Variants in RETREG3 observed in about 807,000 individuals in gnomAD.
The protein encoded by RETREG3 is reticulophagy regulator family member 3.
Under a neutral mutation model 50.2 loss-of-function variants are expected in RETREG3, and 23 were observed. The ratio of observed to expected loss-of-function variants is 0.46; its 90% CI spans 0.33 to 0.65. The LOEUF (loss-of-function observed/expected upper bound fraction) is 0.65, where lower values mean the gene tolerates loss of function less well. Among genes scored for constraint, RETREG3 ranks in the 30% least tolerant of loss-of-function variants. The pLI is 0.02. For synonymous variants in RETREG3, 240 were observed against 234.4 expected (o/e 1.02, Z -0.22); for missense variants, 546 against 598.0 (o/e 0.91, Z 0.91).
chr17:42,599,531 G>A (rs1382920397), intron 1 of RETREG3, among the ~76,000 whole-genome samples: 1 of 151,706 alleles, frequency 6.6e-6, no homozygotes, highest in East Asian at 1.9e-4. Context: ...GTGTATGCCT[G>A]TAATCTCAGC....
intron 3 of RETREG3, among the ~76,000 whole-genome samples, chr17:42,587,499 A>G (rs866235567): frequency 6.6e-6 from 1 of 152,244 alleles, no homozygotes; most frequent in Non-Finnish European, 1.5e-5. Flanking sequence ...AGAAAACACT[A>G]AATGACCTGG....
Position 42,603,292 on chromosome 17 carries a change from C to G in RETREG3, c.239+5794G>C, listed in dbSNP as rs185615029. On this transcript the variant is annotated intron_variant, in intron 1 of 8. Coordinates refer to ENST00000309428, the MANE Select transcript of RETREG3 (RefSeq NM_178126.4). Reference sequence around the variant, plus strand: ...ATGTCTATTTTCAAAGACATGATTTCTAGGTTCCTTTGTTATTACAGATTA... The same window carrying G: ...ATGTCTATTTTCAAAGACATGATTTGTAGGTTCCTTTGTTATTACAGATTA... Among the ~76,000 whole-genome samples the G allele has an allele frequency of 4.3e-3, 661 of 152,252 alleles. 7 individuals carry two copies. Among genetic ancestry groups the G allele is most frequent in the African/African-American group, 0.014 (584 of 41,556 alleles).
At chr17:42,596,335 G>A (rs2143404835) in intron 1 of RETREG3, among the ~76,000 whole-genome samples, 4 of 116,292 alleles carry the variant, frequency 3.4e-5, no homozygotes, top group African/African-American at 1.3e-4. Context: ...CTCCAGCCTG[G>A]CTGACAAATC....
chr17:42,582,402 C>T, intron 8 of RETREG3, 132 bp from the exon 9 acceptor site: 1 of 906,936 alleles, frequency 1.1e-6, no homozygotes, highest in Middle Eastern at 3.1e-4. Flanking sequence ...TATACCTTTC[C>T]CCTCCACTTA....
intron 1 of RETREG3, chr17:42,605,151 T>C (rs925216441): frequency 5.4e-5 from 8 of 149,384 alleles, no homozygotes; most frequent in Non-Finnish European, 8.9e-5. Context: ...TCTATCTCCA[T>C]CTTTTTTTTT....
intron 6 of RETREG3, 123 bp from the exon 7 acceptor site, chr17:42,583,703 CATA>C (rs2093115025): frequency 2.5e-6 from 2 of 801,596 alleles, no homozygotes; most frequent in Non-Finnish European, 1.9e-6. Flanking sequence ...TCTAAGCCTA[CATA>C]ATAATAACAG....
intron 3 of RETREG3, 155 bp from the exon 4 acceptor site, chr17:42,587,046 A>G: frequency 9.8e-7 from 1 of 1,023,428 alleles, no homozygotes. Context: ...TTCTTGGCTC[A>G]CCAGGTTGAA....
intron 2 of RETREG3, among the ~76,000 whole-genome samples, chr17:42,589,062 G>A (rs1198309943): frequency 6.7e-6 from 1 of 148,350 alleles, no homozygotes; most frequent in African/African-American, 2.5e-5. Context: ...GAGCCCAGGA[G>A]TTCAAGTCCA....
At chr17:42,597,610 TATATATATA>T (rs1243161520) in intron 1 of RETREG3, among the ~76,000 whole-genome samples, 32 of 33,666 alleles carry the variant, frequency 9.5e-4, no homozygotes, top group African/African-American at 2.9e-3. Flanking sequence ...TATATATATA[TATATATATA>T]TTTTTTTTTT....
chr17:42,596,819 G>A (rs561542808), intron 1 of RETREG3, among the ~76,000 whole-genome samples: 4 of 151,744 alleles, frequency 2.6e-5, no homozygotes, highest in Non-Finnish European at 5.9e-5. Context: ...CCTTGGAGGG[G>A]TCAACTCTAG....
At chr17:42,601,354 C>T (rs1020065431) in intron 1 of RETREG3, among the ~76,000 whole-genome samples, 14 of 151,686 alleles carry the variant, frequency 9.2e-5, no homozygotes, top group Admixed American at 7.2e-4. Context: ...AGGCAGATCA[C>T]GAGATCAGGA....
Position 42,582,213 on chromosome 17 carries a change from G to C in RETREG3, c.1001C>G (p.Pro334Arg). 6.2e-7 allele frequency: 1 copy of C among 1,613,036 alleles called. No individual in the cohort carries two copies. Among genetic ancestry groups the C allele is most frequent in the Non-Finnish European group, 8.5e-7 (1 of 1,180,022 alleles). The change falls in exon 9 of 9, where the codon CCT becomes CGT. Residue 334 changes from proline (P) to arginine (R), a missense_variant. Coordinates refer to ENST00000309428, the MANE Select transcript of RETREG3 (RefSeq NM_178126.4). ...ESFARDLPDF[P>R]SINMDPAGLD... is the part of the protein sequence containing the mutation. ...GCCAGCAGGATCCATATTAATGGAA[G>C]GGAAGTCTGGAAGGTCTCTGGCAAA...
chr17:42,595,772 G>A (rs1246528489), intron 1 of RETREG3, among the ~76,000 whole-genome samples: 1 of 149,214 alleles, frequency 6.7e-6, no homozygotes, highest in Admixed American at 6.7e-5. Flanking sequence ...AGATTCAAGA[G>A]ATTGATTCTC....
At position 42,580,695 on chromosome 17, in the gene RETREG3, G is replaced by A. The variant is rs2093105662; in HGVS notation, c.*1118C>T. On this transcript the variant is annotated 3_prime_UTR_variant, in exon 9 of 9. Coordinates refer to ENST00000309428, the MANE Select transcript of RETREG3 (RefSeq NM_178126.4). ...CCAAGAAATGATGGGCTAGATGAGA[G>A]GGAGCAGGCCTGTTCTGCAAAACCA... is the stretch of plus-strand genomic sequence containing the variant. 1 of 152,284 alleles carries A rather than the reference G, an allele frequency of 6.6e-6. No individual in the cohort carries two copies. The highest frequency in any genetic ancestry group is 1.5e-5 in the Non-Finnish European group (1 of 68,006). The allele number at this position is 152,284 out of a possible 1,614,324, so 9.4% of individuals were successfully genotyped here. A position where few individuals can be genotyped will look rare whatever the true frequency, so the allele number is the denominator to read the frequency against.
In RETREG3 at chr17:42,596,178, G is replaced by A. The variant is rs60375485; in HGVS notation, c.240-4016C>T. Among the ~76,000 whole-genome samples the A allele has an allele frequency of 6.2e-3, 936 of 151,044 alleles. 14 individuals carry two copies. The highest frequency in any genetic ancestry group is 0.022 in the African/African-American group (901 of 41,178). ...GAGCCCAGGAGTTCGAGACCAGCCT[G>A]GACAATATAGTGAGACCCTGTCTCT... On this transcript the variant is annotated intron_variant, in intron 1 of 8. Transcript: ENST00000309428.
chr17:42,605,568 T>A (rs1434897091), intron 1 of RETREG3, among the ~76,000 whole-genome samples: 1 of 152,192 alleles, frequency 6.6e-6, no homozygotes, highest in East Asian at 1.9e-4. Context: ...AGGAAGCTCA[T>A]TTCCCCAAAC....
At position 42,582,806 on chromosome 17, in the gene RETREG3, G is replaced by T. The variant is rs112002966; in HGVS notation, c.811C>A (p.Leu271Met). ...TCCCTGGCAACAGTAGAATCGTCCA[G>T]CTTAGGAAAAGACCAACAAATGTGA... ...EEELAAFCPQ[L>M]DDSTVARELA... Residue 271 changes from leucine to methionine, a missense_variant and splice_region_variant, in exon 8 of 9, where the codon CTG (leucine) becomes ATG (methionine). By Grantham distance (15) the Leu-to-Met change is conservative (BLOSUM62 2). Transcript: ENST00000309428. 6.2e-7 allele frequency: 1 copy of T among 1,614,066 alleles called. No homozygotes were observed. The highest frequency in any genetic ancestry group is 8.5e-7 in the Non-Finnish European group (1 of 1,180,038).
At chr17:42,591,907 C>T (rs779713407) in intron 2 of RETREG3, 149 bp downstream of exon 2, 38 of 600,378 alleles carry the variant, frequency 6.3e-5, no homozygotes, top group Non-Finnish European at 9.4e-5. Flanking sequence ...GGGCACAAGC[C>T]CTTCAAGTGC....
At chr17:42,594,527 C>G (rs2093139852) in intron 1 of RETREG3, among the ~76,000 whole-genome samples, 1 of 151,558 alleles carries the variant, frequency 6.6e-6, no homozygotes. Flanking sequence ...GTACTCCAGA[C>G]TGGGAGACAA....
Sources: allele counts gnomAD v4.1 joint callset (sites outside exome capture counted in the v4.1 genomes callset), GRCh38; gene constraint gnomAD v4.1.1; transcripts MANE v1.5; gene names NCBI Gene and HGNC (gene_info 2026-07-23, HGNC 2026-07-21).